The following ATXN1 variants were observed in gnomAD, a reference collection of about 807,000 sequenced individuals.
ATXN1 encodes the protein ataxin-1.
ATXN1 carries 8 observed loss-of-function variants against 56.4 expected under a neutral mutation model. That is an observed-to-expected ratio of 0.14 (90% CI 0.08 to 0.26). The LOEUF is 0.26. Ranked by LOEUF, ATXN1 falls within the 10% of genes least tolerant of loss-of-function variation. The pLI is 1.00. For missense variants in ATXN1, 987 were observed against 1,106.5 expected (o/e 0.89, Z 1.53); for synonymous variants, 514 against 494.6 (o/e 1.04, Z -0.52).
intron 2 of ATXN1, among the ~76,000 whole-genome samples, chr6:16,686,706 A>G (rs1758926491): frequency 1.3e-5 from 2 of 152,236 alleles, no homozygotes; most frequent in African/African-American, 4.8e-5. Flanking sequence ...TCAAGGCAAG[A>G]TCTTTTAAAG....
chr6:16,360,187 C>G (rs1179344198), intron 6 of ATXN1, among the ~76,000 whole-genome samples: 1 of 152,148 alleles, frequency 6.6e-6, no homozygotes, highest in African/African-American at 2.4e-5. Context: ...TCAATATCTG[C>G]TGAATATTAG....
intron 3 of ATXN1, among the ~76,000 whole-genome samples, chr6:16,657,189 G>A (rs895749475): frequency 4.6e-5 from 7 of 151,744 alleles, no homozygotes; most frequent in South Asian, 2.1e-4. Flanking sequence ...GGGTTTCACC[G>A]CGTTAGCCAG....
intron 3 of ATXN1, among the ~76,000 whole-genome samples, chr6:16,599,875 G>A (rs1762883736): frequency 2.0e-5 from 3 of 152,110 alleles, no homozygotes; most frequent in Admixed American, 2.0e-4. Context: ...GGCCTATTTG[G>A]AGCACCAGCA....
At position 16,760,673 on chromosome 6, in the gene ATXN1, G is replaced by T. The variant is rs1761060935; in HGVS notation, c.-730+625C>A. ...CGGCGAGGCCGGCCCTCCGAGGGGAGACCCCCGCCCCAGGGCGCCGAGGCC... is the reference window on the plus strand; with the variant it reads ...CGGCGAGGCCGGCCCTCCGAGGGGATACCCCCGCCCCAGGGCGCCGAGGCC... On this transcript the variant is annotated intron_variant, in intron 1 of 7. Transcript: ENST00000436367. The surrounding 1 kb of genome is among the most constrained non-coding windows in gnomAD (Gnocchi z 5.3). Among the ~76,000 whole-genome samples the T allele has an allele frequency of 6.6e-6, 1 of 151,120 alleles. No homozygotes were observed. The highest frequency in any genetic ancestry group is 2.4e-5 in the African/African-American group (1 of 41,316).
At chr6:16,672,720 A>G (rs1201741242) in intron 2 of ATXN1, among the ~76,000 whole-genome samples, 5 of 152,228 alleles carry the variant, frequency 3.3e-5, no homozygotes, top group Non-Finnish European at 7.3e-5. Flanking sequence ...AATGGCATCT[A>G]GACAATGGAA....
At chr6:16,415,333 G>C (rs187296436) in intron 6 of ATXN1, among the ~76,000 whole-genome samples, 1 of 152,098 alleles carries the variant, frequency 6.6e-6, no homozygotes, top group Admixed American at 6.5e-5. Flanking sequence ...GGGTTCAAGA[G>C]ATTCTCCTGC....
intron 4 of ATXN1, among the ~76,000 whole-genome samples, chr6:16,546,724 T>C (rs1761821495): frequency 6.6e-6 from 1 of 152,120 alleles, no homozygotes. Context: ...TTTCATGGAG[T>C]TTCGTAAAAG....
rs149241908 is a variant in ATXN1, at chr6:16,543,189, C to T, written c.-360-20501G>A. 1.5e-3 allele frequency among the ~76,000 whole-genome samples: 226 copies of T among 152,248 alleles called. 4 individuals carry two copies. The East Asian group carries it at 0.033, about 23-fold the overall frequency. ...CAGGGAGCTGAGCTCTGGCCTGGGT[C>T]CCGCTCATTCCTTCCCACCGTCCCG... On this transcript the variant is annotated intron_variant, in intron 4 of 7. Transcript: ENST00000436367.
intron 6 of ATXN1, among the ~76,000 whole-genome samples, chr6:16,444,260 C>T (rs1759589296): frequency 6.6e-6 from 1 of 152,130 alleles, no homozygotes; most frequent in Non-Finnish European, 1.5e-5. Context: ...AGTCTTTGGT[C>T]TCCAAATATC....
At chr6:16,632,408 C>T (rs1470727894) in intron 3 of ATXN1, among the ~76,000 whole-genome samples, 2 of 152,208 alleles carry the variant, frequency 1.3e-5, no homozygotes, top group African/African-American at 2.4e-5. Context: ...TACCACTGTG[C>T]TTTCCATGAG....
chr6:16,672,542 G>A (rs1758566770), intron 2 of ATXN1, among the ~76,000 whole-genome samples: 1 of 152,174 alleles, frequency 6.6e-6, no homozygotes, highest in Non-Finnish European at 1.5e-5. Flanking sequence ...TAAGGATCTG[G>A]AGATGGGGAG....
intron 6 of ATXN1, among the ~76,000 whole-genome samples, chr6:16,427,959 T>G (rs572557006): frequency 1.3e-5 from 2 of 152,164 alleles, no homozygotes; most frequent in Admixed American, 6.5e-5. Flanking sequence ...TCAGCTGCAC[T>G]CTTTTATTAT....
chr6:16,646,271 A>AATTTACTTATC (rs1763797143), intron 3 of ATXN1, among the ~76,000 whole-genome samples: 2 of 152,314 alleles, frequency 1.3e-5, no homozygotes, highest in East Asian at 3.9e-4. Flanking sequence ...GAAAAAGCAG[A>AATTTACTTATC]TAAGTAAATT....
intron 4 of ATXN1, among the ~76,000 whole-genome samples, chr6:16,529,363 A>G (rs1287618761): frequency 6.6e-6 from 1 of 150,716 alleles, no homozygotes; most frequent in Non-Finnish European, 1.5e-5. Context: ...AGTGGCAACG[A>G]CACAAAATGT....
At chr6:16,580,195 C>G (rs188263816) in intron 4 of ATXN1, among the ~76,000 whole-genome samples, 5 of 152,304 alleles carry the variant, frequency 3.3e-5, no homozygotes, top group African/African-American at 1.2e-4. Flanking sequence ...GAGCACAGAT[C>G]TTGAGTTAGG....
At chr6:16,315,562 T>G (rs1474203049) in intron 7 of ATXN1, among the ~76,000 whole-genome samples, 1 of 152,196 alleles carries the variant, frequency 6.6e-6, no homozygotes, top group Non-Finnish European at 1.5e-5. Flanking sequence ...TCCATTCATT[T>G]GGAATCTTTT....
At chr6:16,404,655 C>A (rs957783415) in intron 6 of ATXN1, among the ~76,000 whole-genome samples, 2 of 152,230 alleles carry the variant, frequency 1.3e-5, no homozygotes, top group Admixed American at 6.5e-5. Flanking sequence ...CTGTCCCCAG[C>A]CCCCACCACA....
intron 2 of ATXN1, among the ~76,000 whole-genome samples, chr6:16,691,660 G>A (rs892568787): frequency 1.3e-5 from 2 of 152,202 alleles, no homozygotes; most frequent in South Asian, 2.1e-4. Flanking sequence ...TAGCCACTGA[G>A]AAGATACTCT....
intron 3 of ATXN1, among the ~76,000 whole-genome samples, chr6:16,629,184 G>C (rs1226547137): frequency 1.3e-5 from 2 of 152,192 alleles, no homozygotes; most frequent in South Asian, 2.1e-4. Flanking sequence ...GTATGAGATA[G>C]TATCTCATTG....
Sources: allele counts gnomAD v4.1 joint callset (sites outside exome capture counted in the v4.1 genomes callset), GRCh38; gene constraint gnomAD v4.1.1; non-coding constraint Gnocchi (gnomAD v3.1); transcripts MANE v1.5; gene names NCBI Gene and HGNC (gene_info 2026-07-23, HGNC 2026-07-21).